Variants in ITPR1 observed in about 807,000 individuals in gnomAD.
ITPR1 encodes the protein inositol 1,4,5-trisphosphate receptor type 1, also known as inositol 1,4,5-trisphosphate-gated calcium channel ITPR1.
In ITPR1, 96 loss-of-function variants were observed where a neutral mutation model predicts 318.4. The observed-to-expected ratio is 0.30, with a 90% confidence interval of 0.26 to 0.36. The LOEUF (loss-of-function observed/expected upper bound fraction) is 0.36, where lower values mean the gene tolerates loss of function less well. Ranked by LOEUF, ITPR1 falls within the 10% of genes least tolerant of loss-of-function variation. The pLI is 1.00. For missense variants in ITPR1, 2,440 were observed against 3,460.2 expected, an observed-to-expected ratio of 0.71 and a Z score of 7.40; for synonymous variants, 1,312 against 1,289.9, an observed-to-expected ratio of 1.02 and a Z score of -0.37.
At chr3:4,763,793 C>T (rs924632376) in intron 44 of ITPR1, among the ~76,000 whole-genome samples, 9 of 152,260 alleles carry the variant, frequency 5.9e-5, no homozygotes, top group Non-Finnish European at 7.3e-5. Flanking sequence ...CTGACCCTAG[C>T]GGTTGACAGC....
intron 35 of ITPR1, among the ~76,000 whole-genome samples, chr3:4,702,270 GTAAC>G (rs1476929786): frequency 6.6e-6 from 1 of 152,196 alleles, no homozygotes; most frequent in Non-Finnish European, 1.5e-5. Context: ...TTTATAAAGA[GTAAC>G]TATCCGAATT....
At chr3:4,540,859 A>T (rs544253826) in intron 4 of ITPR1, among the ~76,000 whole-genome samples, 1 of 152,262 alleles carries the variant, frequency 6.6e-6, no homozygotes, top group Non-Finnish European at 1.5e-5. Flanking sequence ...TACAGATGTG[A>T]GACACCACGC....
chr3:4,707,351 C>G (rs986895843), intron 37 of ITPR1, among the ~76,000 whole-genome samples: 1 of 152,224 alleles, frequency 6.6e-6, no homozygotes, highest in African/African-American at 2.4e-5. Context: ...ACCTTGCTCA[C>G]TCGCATATTT....
chr3:4,746,858 CA>C (rs1306443229), intron 44 of ITPR1, among the ~76,000 whole-genome samples: 9 of 152,360 alleles, frequency 5.9e-5, no homozygotes, highest in Admixed American at 2.0e-4. Context: ...TATCTTCCCT[CA>C]CCCACTAACT....
intron 4 of ITPR1, among the ~76,000 whole-genome samples, chr3:4,525,845 T>C (rs932520972): frequency 3.3e-5 from 5 of 152,032 alleles, no homozygotes; most frequent in Admixed American, 6.6e-5. Context: ...CTTTTACCAG[T>C]CCCTCCCCCA....
In ITPR1 at chr3:4,710,595, GCTAAAGTC is replaced by G; in HGVS notation, c.4991+125_4991+132del. 1.0e-6 allele frequency: 1 copy of G among 959,826 alleles called. No homozygotes were observed. The highest frequency in any genetic ancestry group is 1.5e-6 in the Non-Finnish European group (1 of 659,450). 59.5% of individuals were successfully genotyped at this position (959,826 alleles called of 1,614,324 possible). Reference sequence around the variant, plus strand: ...AACTTTGATGAATGCAAGGTCATGTGCTAAAGTCCTGTTCTGACCTCCCCAAAGTAAGT... The same window carrying G: ...AACTTTGATGAATGCAAGGTCATGTGCTGTTCTGACCTCCCCAAAGTAAGT... On this transcript the variant is annotated intron_variant, in intron 38 of 61. Coordinates refer to ENST00000649015, the MANE Select transcript of ITPR1 (RefSeq NM_001378452.1). The surrounding 1 kb of genome is among the most constrained non-coding windows in gnomAD (Gnocchi z 4.2).
intron 55 of ITPR1, among the ~76,000 whole-genome samples, chr3:4,809,835 C>A (rs889060113): frequency 2.0e-5 from 3 of 152,182 alleles, no homozygotes; most frequent in African/African-American, 7.2e-5. Context: ...CGCTTACTTG[C>A]CACTTTATAT....
At chr3:4,739,107 G>C (rs2043510771) in intron 44 of ITPR1, among the ~76,000 whole-genome samples, 1 of 152,268 alleles carries the variant, frequency 6.6e-6, no homozygotes, top group East Asian at 1.9e-4. Context: ...TCTGGGGCCA[G>C]TTAAGGACAG....
chr3:4,621,041 C>G (rs751986524), intron 4 of ITPR1, among the ~76,000 whole-genome samples: 1 of 152,004 alleles, frequency 6.6e-6, no homozygotes, highest in African/African-American at 2.4e-5. Context: ...GCATCTCAAA[C>G]TAAGCAGAGC....
At chr3:4,805,444 A>G in intron 54 of ITPR1, among the ~76,000 whole-genome samples, 1 of 152,342 alleles carries the variant, frequency 6.6e-6, no homozygotes, top group South Asian at 2.1e-4. Context: ...GGGGAATACA[A>G]TATTGTGATG....
At chr3:4,503,279 AG>A (rs1559349873) in intron 2 of ITPR1, among the ~76,000 whole-genome samples, 1 of 152,162 alleles carries the variant, frequency 6.6e-6, no homozygotes, top group African/African-American at 2.4e-5. Flanking sequence ...AGCTGCTTTC[AG>A]GTCATATTGG....
intron 4 of ITPR1, among the ~76,000 whole-genome samples, chr3:4,620,680 GT>G (rs66922925): frequency 0.11 from 14,244 of 127,734 alleles, 595 homozygotes; most frequent in African/African-American, 0.16. Context: ...TTCTTTGTGG[GT>G]TTTTTTTTTT....
At chr3:4,509,879 G>A (rs756874681) in intron 2 of ITPR1, among the ~76,000 whole-genome samples, 5 of 152,194 alleles carry the variant, frequency 3.3e-5, no homozygotes, top group Non-Finnish European at 7.3e-5. Flanking sequence ...TTGACTGCTT[G>A]CTCTATCCCA....
chr3:4,774,152 C>T (rs934137028), intron 46 of ITPR1, among the ~76,000 whole-genome samples: 2 of 152,178 alleles, frequency 1.3e-5, no homozygotes, highest in Non-Finnish European at 2.9e-5. Context: ...ATCTATATGC[C>T]TTTTTGAAAA....
At chr3:4,530,598 A>G (rs980818316) in intron 4 of ITPR1, among the ~76,000 whole-genome samples, 4 of 152,220 alleles carry the variant, frequency 2.6e-5, no homozygotes, top group African/African-American at 9.6e-5. Context: ...TGCCTGGGCA[A>G]CAAAGTGAGA....
intron 60 of ITPR1, among the ~76,000 whole-genome samples, chr3:4,833,043 G>C (rs578218361): frequency 1.3e-4 from 20 of 152,356 alleles, no homozygotes; most frequent in African/African-American, 4.8e-4. Flanking sequence ...GACTAAAGCA[G>C]CTTGAGAATA....
intron 54 of ITPR1, among the ~76,000 whole-genome samples, chr3:4,802,929 G>A (rs1319405976): frequency 6.6e-6 from 1 of 152,164 alleles, no homozygotes; most frequent in African/African-American, 2.4e-5. Flanking sequence ...ACCCCACCCA[G>A]AAAGCAATGT....
chr3:4,752,593 A>C (rs537481715), intron 44 of ITPR1, among the ~76,000 whole-genome samples: 44 of 152,356 alleles, frequency 2.9e-4, no homozygotes, highest in African/African-American at 1.1e-3. Flanking sequence ...TTCAGCTGCC[A>C]TGGATGCAAA....
intron 4 of ITPR1, among the ~76,000 whole-genome samples, chr3:4,521,931 A>G (rs1041353014): frequency 1.8e-4 from 28 of 152,216 alleles, no homozygotes; most frequent in Admixed American, 6.5e-4. Context: ...TTCTACCCAA[A>G]TTAGTTTTTT....
Sources: allele counts gnomAD v4.1 joint callset (sites outside exome capture counted in the v4.1 genomes callset), GRCh38; gene constraint gnomAD v4.1.1; non-coding constraint Gnocchi (gnomAD v3.1); transcripts MANE v1.5; gene names NCBI Gene and HGNC (gene_info 2026-07-23, HGNC 2026-07-21).